The following LARP1B variants were observed in gnomAD, a reference collection of about 807,000 sequenced individuals.
LARP1B encodes La ribonucleoprotein 1B, also known as la-related protein 1B.
A neutral mutation model predicts 114.2 loss-of-function variants in LARP1B; 76 were observed. The ratio of observed to expected loss-of-function variants is 0.67; its 90% confidence interval spans 0.55 to 0.81. The LOEUF is 0.81. Among genes scored for constraint, LARP1B ranks in the 30% least tolerant of loss-of-function variants. The probability of loss-of-function intolerance (pLI) is 0.00; values close to 1 mark genes in which losing one functional copy is unlikely to be tolerated. For synonymous variants in LARP1B, 345 were observed against 348.0 expected, an observed-to-expected ratio of 0.99 and a Z score of 0.10; for missense variants, 1,014 against 1,075.8, an observed-to-expected ratio of 0.94 and a Z score of 0.80.
At chr4:128,082,107 T>C (rs983887371) in intron 4 of LARP1B, 58 bp from the exon 5 acceptor site, 1 of 1,511,524 alleles carries the variant, frequency 6.6e-7, no homozygotes, top group African/African-American at 1.4e-5. Context: ...TGCTTTCAAA[T>C]TGCAAGGGTT....
intron 12 of LARP1B, among the ~76,000 whole-genome samples, chr4:128,171,105 A>AT (rs36056578): frequency 1.8e-4 from 27 of 147,328 alleles, no homozygotes; most frequent in South Asian, 6.5e-4. Context: ...CTCCATAGAG[A>AT]TTTTTTTTTT....
At chr4:128,214,236 G>C (rs969735574), downstream of LARP1B, among the ~76,000 whole-genome samples, 4 of 146,380 alleles carry the variant, frequency 2.7e-5, no homozygotes. Context: ...AGGGGCGCCC[G>C]CCATTGCCCA....
At chr4:128,071,994 T>C (rs538303687) in intron 1 of LARP1B, among the ~76,000 whole-genome samples, 1 of 96,754 alleles carries the variant, frequency 1.0e-5, no homozygotes, top group East Asian at 2.5e-4. Flanking sequence ...ATTATTTATT[T>C]ATTTTTACTT....
intron 11 of LARP1B, chr4:128,122,394 C>T: frequency 6.8e-7 from 1 of 1,472,348 alleles, no homozygotes; most frequent in Non-Finnish European, 9.0e-7. Flanking sequence ...GTGATGAATA[C>T]TGTAATTACA....
Position 128,207,365 on chromosome 4 carries a change from A to G in LARP1B, c.2529A>G (p.Leu843=). 6.5e-7 allele frequency: 1 copy of G among 1,532,872 alleles called. No homozygotes were observed. The highest frequency in any genetic ancestry group is 8.8e-7 in the Non-Finnish European group (1 of 1,140,026). The allele number at this position is 1,532,872 out of a possible 1,614,324, so 95.0% of individuals were successfully genotyped here. A position where few individuals can be genotyped will look rare whatever the true frequency, so the allele number is the denominator to read the frequency against. Residue 843 remains leucine, a synonymous_variant, in exon 19 of 20, where the codon TTA becomes TTG. Transcript: ENST00000326639. ...LQEYLCSFKR[L]EDFRVDPPIS... ...AATACCTCTGTAGTTTTAAGAGGTTAGAAGACTTCCGTGTTGATGTAAGTT... is the reference window on the plus strand; with the variant it reads ...AATACCTCTGTAGTTTTAAGAGGTTGGAAGACTTCCGTGTTGATGTAAGTT...
At chr4:128,167,730 TAGTTA>T (rs1308434721) in intron 12 of LARP1B, among the ~76,000 whole-genome samples, 4 of 152,104 alleles carry the variant, frequency 2.6e-5, no homozygotes, top group Non-Finnish European at 5.9e-5. Flanking sequence ...AAACACCACC[TAGTTA>T]AGTTACTGAA....
chr4:128,084,486 G>A lies in LARP1B; in HGVS notation c.358+2181G>A, dbSNP rs560608685. ...AAAAAAGTACGAAAACCAGTCAGGC[G>A]TGGTGGCGCGCGCCTGCAATCGCAG... On this transcript the variant is annotated intron_variant, in intron 5 of 19. Coordinates refer to ENST00000326639, the MANE Select transcript of LARP1B (RefSeq NM_018078.4). Among the ~76,000 whole-genome samples the A allele has an allele frequency of 6.0e-4, 91 of 152,316 alleles. 2 individuals are homozygous for A. The South Asian group carries it at 0.018, about 30-fold the overall frequency.
At position 128,077,771 on chromosome 4, in the gene LARP1B, T is replaced by C. The variant is rs545602904; in HGVS notation, c.43-17T>C. On this transcript the variant is annotated splice_polypyrimidine_tract_variant and intron_variant, in intron 3 of 19. Transcript: ENST00000326639. ...AATATTAATGGAAATCATTTCATTCTGAAAACCTTTTTGCAGTTTCAGAGC... is the reference window on the plus strand; with the variant it reads ...AATATTAATGGAAATCATTTCATTCCGAAAACCTTTTTGCAGTTTCAGAGC... 1.3e-6 allele frequency: 2 copies of C among 1,517,874 alleles called. No homozygotes were observed. Among genetic ancestry groups the C allele is most frequent in the Non-Finnish European group, 1.8e-6 (2 of 1,136,014 alleles). The allele number at this position is 1,517,874 out of a possible 1,614,324, so 94.0% of individuals were successfully genotyped here.
intron 8 of LARP1B, among the ~76,000 whole-genome samples, chr4:128,103,967 T>G (rs2149760425): frequency 6.6e-6 from 1 of 151,904 alleles, no homozygotes; most frequent in East Asian, 1.9e-4. Flanking sequence ...TTTAAATATT[T>G]TCTTTTAAAT....
In LARP1B at chr4:128,200,507, T is replaced by G; in HGVS notation, c.2165-14T>G. On this transcript the variant is annotated splice_polypyrimidine_tract_variant and intron_variant, in intron 16 of 19. Coordinates refer to ENST00000326639, the MANE Select transcript of LARP1B (RefSeq NM_018078.4). Reference sequence around the variant, plus strand: ...TATGTTTAATAAAATAATATTTTATTTAACTTTTTTCAGAGAGAAAACGCT... The same window carrying G: ...TATGTTTAATAAAATAATATTTTATGTAACTTTTTTCAGAGAGAAAACGCT... 7.2e-7 allele frequency: 1 copy of G among 1,393,854 alleles called. No individual in the cohort carries two copies. Among genetic ancestry groups the G allele is most frequent in the Non-Finnish European group, 9.4e-7 (1 of 1,058,282 alleles). The allele number at this position is 1,393,854 out of a possible 1,614,324, so 86.3% of individuals were successfully genotyped here. A position where few individuals can be genotyped will look rare whatever the true frequency, so the allele number is the denominator to read the frequency against.
intron 11 of LARP1B, chr4:128,122,488 A>G (rs1463012594): frequency 2.6e-6 from 4 of 1,527,368 alleles, no homozygotes; most frequent in Admixed American, 4.1e-5. Context: ...TTAGGTGACA[A>G]TACTGAGAAC....
At chr4:128,068,141 A>G (rs563558553) in intron 1 of LARP1B, among the ~76,000 whole-genome samples, 15 of 152,210 alleles carry the variant, frequency 9.9e-5, no homozygotes, top group African/African-American at 3.1e-4. Context: ...CGGCCTCCCA[A>G]AGTGCTGGGA....
intron 9 of LARP1B, chr4:128,108,696 A>G (rs969871494): frequency 2.0e-6 from 2 of 984,024 alleles, no homozygotes; most frequent in Non-Finnish European, 2.4e-6. Flanking sequence ...GGGTGATTAT[A>G]TAAGTTAGAT....
intron 11 of LARP1B, among the ~76,000 whole-genome samples, chr4:128,159,466 A>G (rs561892386): frequency 1.3e-5 from 2 of 152,302 alleles, no homozygotes; most frequent in Admixed American, 6.5e-5. Context: ...AGAATGTTAC[A>G]TGATGGAATC....
intron 1 of LARP1B, among the ~76,000 whole-genome samples, chr4:128,064,440 C>A (rs1322756116): frequency 6.6e-6 from 1 of 152,104 alleles, no homozygotes. Context: ...TTGACACTTG[C>A]AGAAAAAAAG....
intron 13 of LARP1B, among the ~76,000 whole-genome samples, chr4:128,177,644 A>G (rs1746798784): frequency 6.6e-6 from 1 of 152,226 alleles, no homozygotes; most frequent in Admixed American, 6.5e-5. Flanking sequence ...ATGAGATGGA[A>G]GAATATTTAA....
At chr4:128,098,438 GAGGCTCAGACAGCATT>G in intron 8 of LARP1B, 108 bp downstream of exon 8, 4 of 863,310 alleles carry the variant, frequency 4.6e-6, no homozygotes. Flanking sequence ...GTAGTTGCTT[GAGGCTCAGACAGCATT>G]CCATGATGTT....
intron 12 of LARP1B, among the ~76,000 whole-genome samples, chr4:128,163,947 C>G (rs1275244153): frequency 6.6e-6 from 1 of 152,076 alleles, no homozygotes; most frequent in East Asian, 1.9e-4. Context: ...ATCTGCTACT[C>G]AGTTGGTCCT....
At chr4:128,133,997 C>A (rs2150132226) in intron 11 of LARP1B, among the ~76,000 whole-genome samples, 1 of 112,778 alleles carries the variant, frequency 8.9e-6, no homozygotes, top group East Asian at 2.4e-4. Flanking sequence ...GTGCCCAGCC[C>A]AATTTTTTTT....
Sources: gnomAD v4.1 joint callset for allele counts (sites outside exome capture counted in the v4.1 genomes callset) on GRCh38, gnomAD v4.1.1 for gene constraint, MANE v1.5 for transcripts, NCBI Gene and HGNC (gene_info 2026-07-23, HGNC 2026-07-21) for gene names.